ITGAE: variants seen among roughly 807,000 people sequenced by gnomAD.
The protein encoded by ITGAE is integrin subunit alpha E, also known as integrin alpha-E.
In ITGAE, 99 loss-of-function variants were observed where a neutral mutation model predicts 136.5. The ratio of observed to expected loss-of-function variants is 0.73; its 90% CI spans 0.62 to 0.86. The LOEUF is 0.86. ITGAE is among the 40% of genes least tolerant of loss of function. The probability of loss-of-function intolerance (pLI) is 0.00; values close to 1 mark genes in which losing one functional copy is unlikely to be tolerated. For synonymous variants in ITGAE, 613 were observed against 591.8 expected (o/e 1.04, Z -0.52); for missense variants, 1,447 against 1,515.3 (o/e 0.95, Z 0.75).
At chr17:3,715,340 A>T (rs577773987) in intron 30 of ITGAE, among the ~76,000 whole-genome samples, 1 of 152,300 alleles carries the variant, frequency 6.6e-6, no homozygotes, top group South Asian at 2.1e-4. Flanking sequence ...TAGGAAAAAG[A>T]GATAATTACA....
Position 3,720,861 on chromosome 17 carries a change from G to A in ITGAE, c.3238-459C>T, listed in dbSNP as rs149270174. On this transcript the variant is annotated intron_variant, in intron 28 of 30. Transcript: ENST00000263087. ...GCCTCCCAAAGTGCTGGGATTACAG[G>A]CGTGAGCTGCCGCGCCTGGCCTTTT... 2.7e-3 allele frequency among the ~76,000 whole-genome samples: 404 copies of A among 152,218 alleles called. 3 individuals carry two copies. Among genetic ancestry groups the A allele is most frequent in the African/African-American group, 8.8e-3 (367 of 41,528 alleles).
At chr17:3,791,216 G>T (rs867694620) in intron 1 of ITGAE, among the ~76,000 whole-genome samples, 3 of 151,560 alleles carry the variant, frequency 2.0e-5, no homozygotes, top group African/African-American at 4.9e-5. Flanking sequence ...TAAGTATTTG[G>T]TATTAGATGA....
chr17:3,728,311 C>T (rs2051262520), intron 24 of ITGAE, 143 bp from the exon 25 acceptor site: 1 of 691,262 alleles, frequency 1.4e-6, no homozygotes, highest in South Asian at 1.6e-5. Context: ...TCAAGTGATC[C>T]TCCACCTCAG....
intron 16 of ITGAE, 37 bp from the exon 17 acceptor site, chr17:3,748,089 G>A (rs545373421): frequency 1.9e-6 from 3 of 1,592,610 alleles, no homozygotes; most frequent in African/African-American, 2.7e-5. Context: ...AGAAGTGACT[G>A]CTCAGCCTCT....
intron 1 of ITGAE, among the ~76,000 whole-genome samples, chr17:3,793,891 T>C (rs1358854222): frequency 6.6e-6 from 1 of 151,148 alleles, no homozygotes; most frequent in Non-Finnish European, 1.5e-5. Context: ...CCTGATCCCC[T>C]GAGTGCACAT....
At position 3,763,908 on chromosome 17, in the gene ITGAE, A is replaced by G. The variant is rs755726573; in HGVS notation, c.208T>C (p.Cys70Arg). The change falls in exon 3 of 31, where the codon TGT (cysteine) becomes CGT (arginine). Residue 70 changes from cysteine (C) to arginine (R), a missense_variant. Physicochemically the swap from Cys to Arg is radical, Grantham distance 180. This residue lies in a region of ITGAE where 106 missense variants were observed against 87.8 expected (regional missense o/e 1.21). Coordinates refer to ENST00000263087, the MANE Select transcript of ITGAE (RefSeq NM_002208.5). ...TKRTPGPLHR[C>R]SLVQDEILCH... Reference sequence around the variant, plus strand: ...AGGATTTCATCCTGGACAAGGGAACATCGATGGAGGGGCCCTGGTGTCCTC... The same window carrying G: ...AGGATTTCATCCTGGACAAGGGAACGTCGATGGAGGGGCCCTGGTGTCCTC... 1.2e-6 allele frequency: 2 copies of G among 1,613,918 alleles called. No individual in the cohort carries two copies. The highest frequency in any genetic ancestry group is 8.5e-7 in the Non-Finnish European group (1 of 1,179,962).
Position 3,723,715 on chromosome 17 carries a change from C to A in ITGAE, c.3114G>T (p.Glu1038Asp), listed in dbSNP as rs1257021128. The stretch of plus-strand genomic sequence containing the variant: ...GAACCGAACTGTACGCACAAGCGCG[C>A]TCCTGACTCCAGGTGCACACCGTGG... ...QASTVCTWSQ[E>D]RACAYSSVQH... The change falls in exon 27 of 31, where the codon GAG (glutamate) becomes GAT (aspartate). Residue 1038 changes from glutamate to aspartate, a missense_variant. By Grantham distance (45) the Glu-to-Asp change is conservative. Around this residue, in one of 3 missense-constraint regions of ITGAE, gnomAD observed 1,031 missense variants for 1,011.4 expected, o/e 1.02. Transcript: ENST00000263087. 4.4e-6 allele frequency: 7 copies of A among 1,604,880 alleles called. No homozygotes were observed. Among genetic ancestry groups the A allele is most frequent in the Non-Finnish European group, 6.0e-6 (7 of 1,175,704 alleles).
At chr17:3,738,656 G>A (rs1346496438) in intron 20 of ITGAE, among the ~76,000 whole-genome samples, 2 of 152,226 alleles carry the variant, frequency 1.3e-5, no homozygotes, top group Non-Finnish European at 2.9e-5. Context: ...TGTGACTGAG[G>A]AACAAAATGT....
At chr17:3,715,528 G>A (rs1340964161) in intron 30 of ITGAE, among the ~76,000 whole-genome samples, 2 of 152,128 alleles carry the variant, frequency 1.3e-5, no homozygotes, top group African/African-American at 4.8e-5. Flanking sequence ...GTACGCAGAG[G>A]CACGAACCTA....
intron 1 of ITGAE, among the ~76,000 whole-genome samples, chr17:3,800,278 T>C (rs1179331034): frequency 6.6e-6 from 1 of 152,082 alleles, no homozygotes; most frequent in African/African-American, 2.4e-5. Context: ...AGCCCATCTT[T>C]CAGGGAGAAC....
chr17:3,790,927 G>C (rs943417723), intron 1 of ITGAE, among the ~76,000 whole-genome samples: 7 of 152,066 alleles, frequency 4.6e-5, no homozygotes, highest in Admixed American at 4.6e-4. Context: ...GGCCAAGGCA[G>C]GCAGATCACG....
chr17:3,723,757 C>A lies in ITGAE; in HGVS notation c.3085-13G>T. On this transcript the variant is annotated splice_polypyrimidine_tract_variant and intron_variant, in intron 26 of 30. Transcript: ENST00000263087. The stretch of plus-strand genomic sequence containing the variant: ...ACACCGTGGAGGCCTGAAACGAGAG[C>A]CATGACCGCGACGCGCTGAACAAAC... The A allele has an allele frequency of 1.9e-6, 3 of 1,606,190 alleles. No individual in the cohort carries two copies. Among genetic ancestry groups the A allele is most frequent in the South Asian group, 2.2e-5 (2 of 90,290 alleles).
chr17:3,748,942 T>C (rs1268197074), intron 16 of ITGAE, among the ~76,000 whole-genome samples: 3 of 151,878 alleles, frequency 2.0e-5, no homozygotes, highest in Non-Finnish European at 4.4e-5. Context: ...ATAGGAGCCG[T>C]GGAGGAGTTT....
chr17:3,744,390 T>C (rs1320696588), intron 18 of ITGAE, among the ~76,000 whole-genome samples: 1 of 151,904 alleles, frequency 6.6e-6, no homozygotes, highest in Non-Finnish European at 1.5e-5. Flanking sequence ...GGTAAAGAAC[T>C]GGCTCAGACA....
At chr17:3,773,122 T>G (rs1047771608) in intron 2 of ITGAE, among the ~76,000 whole-genome samples, 3 of 152,212 alleles carry the variant, frequency 2.0e-5, no homozygotes, top group Non-Finnish European at 4.4e-5. Flanking sequence ...TCTGGGACCC[T>G]TTCCTTGGGC....
At chr17:3,729,755 C>G (rs2051298724) in intron 23 of ITGAE, 200 bp from the exon 24 acceptor site, 2 of 490,262 alleles carry the variant, frequency 4.1e-6, no homozygotes, top group Non-Finnish European at 3.8e-6. Flanking sequence ...CCACCATACC[C>G]AGTTAATTTT....
At chr17:3,728,321 G>C in intron 24 of ITGAE, 153 bp from the exon 25 acceptor site, 1 of 631,176 alleles carries the variant, frequency 1.6e-6, no homozygotes. Flanking sequence ...CTCCACCTCA[G>C]CCTGGGAAAG....
At chr17:3,770,597 C>T (rs919003442) in intron 2 of ITGAE, among the ~76,000 whole-genome samples, 1 of 152,190 alleles carries the variant, frequency 6.6e-6, no homozygotes, top group Non-Finnish European at 1.5e-5. Context: ...TTTCTAGGCC[C>T]GAGTTGGCCA....
intron 1 of ITGAE, among the ~76,000 whole-genome samples, chr17:3,788,541 C>A (rs1041874650): frequency 1.4e-4 from 20 of 143,490 alleles, no homozygotes; most frequent in Non-Finnish European, 2.7e-4. Context: ...TTCAGGTGAT[C>A]CTCCCACCTT....
Sources: allele counts gnomAD v4.1 joint callset (sites outside exome capture counted in the v4.1 genomes callset), GRCh38; gene constraint gnomAD v4.1.1; regional missense constraint gnomAD v4.1.1; transcripts MANE v1.5; gene names NCBI Gene and HGNC (gene_info 2026-07-23, HGNC 2026-07-21).